Variants in TMEM232 observed in about 807,000 individuals in gnomAD.
TMEM232 encodes transmembrane protein 232.
A neutral mutation model predicts 78.8 loss-of-function variants in TMEM232; 80 were observed. The observed-to-expected ratio is 1.01, with a 90% CI of 0.85 to 1.22. TMEM232 has a LOEUF of 1.22. Ranked by LOEUF, TMEM232 falls within the 50% of genes most tolerant of loss-of-function variation. The pLI, the probability that TMEM232 is intolerant of heterozygous loss-of-function variation, is 0.00. For synonymous variants in TMEM232, 297 were observed against 254.3 expected (o/e 1.17, Z -1.60); for missense variants, 881 against 742.2 (o/e 1.19, Z -2.17).
intron 8 of TMEM232, among the ~76,000 whole-genome samples, chr5:110,615,282 G>A (rs780419937): frequency 6.6e-6 from 1 of 151,870 alleles, no homozygotes; most frequent in Non-Finnish European, 1.5e-5. Flanking sequence ...CATATACAAA[G>A]GCCTTTGGTG....
At position 110,420,456 on chromosome 5, in the gene TMEM232, C is replaced by G; in HGVS notation, c.*124G>C. 1 of 613,972 alleles carries G rather than the reference C, an allele frequency of 1.6e-6. No homozygotes were observed. Among genetic ancestry groups the G allele is most frequent in the Middle Eastern group, 4.6e-4 (1 of 2,196 alleles). 38.0% of individuals were successfully genotyped at this position (613,972 alleles called of 1,614,324 possible). A position where few individuals can be genotyped will look rare whatever the true frequency, so the allele number is the denominator to read the frequency against. ...CTTGTATCAGGAAAACAAATTCTTT[C>G]TAAACAATACCTCCATTTAATGACA... On this transcript the variant is annotated 3_prime_UTR_variant, in exon 14 of 14. Transcript: ENST00000455884.
intron 1 of TMEM232, chr5:110,725,535 C>T (rs148850496): frequency 7.3e-4 from 111 of 152,252 alleles, no homozygotes; most frequent in African/African-American, 2.6e-3. Context: ...TAGCACTACT[C>T]ATTAAGATCA....
chr5:110,523,911 T>C (rs1194915135), intron 12 of TMEM232, among the ~76,000 whole-genome samples: 1 of 131,472 alleles, frequency 7.6e-6, no homozygotes, highest in East Asian at 2.3e-4. Flanking sequence ...CAGTGAGTCA[T>C]GTCTGCCACA....
At chr5:110,633,518 G>C (rs1017046623) in intron 5 of TMEM232, among the ~76,000 whole-genome samples, 2 of 152,044 alleles carry the variant, frequency 1.3e-5, no homozygotes, top group Admixed American at 6.6e-5. Context: ...AGGGAGGGAG[G>C]TGACTGAATC....
chr5:110,727,386 C>T (rs977136097), upstream of TMEM232, among the ~76,000 whole-genome samples: 3 of 152,036 alleles, frequency 2.0e-5, no homozygotes, highest in Middle Eastern at 3.2e-3. Flanking sequence ...CCAAGGTGGG[C>T]GGATCACGAG....
At chr5:110,630,699 C>A (rs2149967554) in intron 5 of TMEM232, among the ~76,000 whole-genome samples, 1 of 152,258 alleles carries the variant, frequency 6.6e-6, no homozygotes, top group Admixed American at 6.5e-5. Context: ...TATTAAACCC[C>A]TTTTCTTCAT....
At chr5:110,675,930 C>G (rs1168044814) in intron 1 of TMEM232, among the ~76,000 whole-genome samples, 3 of 152,118 alleles carry the variant, frequency 2.0e-5, no homozygotes, top group African/African-American at 7.2e-5. Context: ...TTTCTACCTC[C>G]CACTCCTAGC....
rs766148837 is a variant in TMEM232 at position 110,568,526 on chromosome 5, T to A, written c.1376A>T (p.Asn459Ile). 2 of 1,549,604 alleles carry A rather than the reference T, an allele frequency of 1.3e-6. No individual in the cohort carries two copies. Among genetic ancestry groups the A allele is most frequent in the East Asian group, 4.9e-5 (2 of 40,804 alleles). ...TTTCTGCAATGTTTGCCATATCATGTTTCTAAGTCCATCCTGTTCTTCGTC... is the reference window on the plus strand; with the variant it reads ...TTTCTGCAATGTTTGCCATATCATGATTCTAAGTCCATCCTGTTCTTCGTC... ...QGDEEQDGLR[N>I]MIWQTLQKTK... is the part of the protein sequence containing the mutation. Residue 459 changes from asparagine (N) to isoleucine (I), a missense_variant, in exon 11 of 14, where the codon AAC becomes ATC. Coordinates refer to ENST00000455884, the MANE Select transcript of TMEM232 (RefSeq NM_001039763.4).
At chr5:110,730,374 T>C (rs911458657), upstream of TMEM232, among the ~76,000 whole-genome samples, 1 of 152,262 alleles carries the variant, frequency 6.6e-6, no homozygotes, top group Non-Finnish European at 1.5e-5. Context: ...ATTTAACAAC[T>C]TTCTAGATGA....
At chr5:110,607,644 A>C (rs919111249) in intron 8 of TMEM232, among the ~76,000 whole-genome samples, 1 of 151,992 alleles carries the variant, frequency 6.6e-6, no homozygotes, top group African/African-American at 2.4e-5. Flanking sequence ...AGTTTGATTT[A>C]AAATTGACTG....
intron 12 of TMEM232, among the ~76,000 whole-genome samples, chr5:110,425,788 C>A (rs7719149): frequency 0.055 from 8,336 of 152,142 alleles, 463 homozygotes; most frequent in East Asian, 0.21. Flanking sequence ...ATTCCTGCAT[C>A]CATCATTCCT....
At chr5:110,546,956 C>CA (rs201099717) in intron 11 of TMEM232, among the ~76,000 whole-genome samples, 2,592 of 143,048 alleles carry the variant, frequency 0.018, 71 homozygotes, top group African/African-American at 0.06. Flanking sequence ...ACGATACTAC[C>CA]AAAAAAAAAG....
chr5:110,658,586 C>A (rs1789391530), intron 2 of TMEM232, among the ~76,000 whole-genome samples: 1 of 152,216 alleles, frequency 6.6e-6, no homozygotes, highest in South Asian at 2.1e-4. Context: ...TAAATGATTG[C>A]TGTTATACTT....
intron 13 of TMEM232, among the ~76,000 whole-genome samples, chr5:110,423,651 T>C (rs1013489133): frequency 2.6e-5 from 4 of 152,124 alleles, no homozygotes; most frequent in Non-Finnish European, 4.4e-5. Flanking sequence ...ACTTGGATAG[T>C]GCTTACACCC....
chr5:110,721,673 G>GTATATATATATC lies in TMEM232; in HGVS notation c.-13+4942_-13+4953dup, dbSNP rs1554086677. Among the ~76,000 whole-genome samples the GTATATATATATC allele has an allele frequency of 5.6e-5, 2 of 35,442 alleles. 1 individual carries two copies. The highest frequency in any genetic ancestry group is 1.6e-4 in the African/African-American group (2 of 12,858). 23.3% of individuals were successfully genotyped at this position (35,442 alleles called of 152,430 possible). Reference sequence around the variant, plus strand: ...GCATATCATGTGTGTGTGTGTGTGTGTATATATATATCTGTGTGTGTTAGT... The same window carrying GTATATATATATC: ...GCATATCATGTGTGTGTGTGTGTGTGTATATATATATCTATATATATATCTGTGTGTGTTAGT... On this transcript the variant is annotated intron_variant, in intron 1 of 13. Coordinates refer to ENST00000455884, the MANE Select transcript of TMEM232 (RefSeq NM_001039763.4).
chr5:110,676,496 C>T (rs906183746), intron 1 of TMEM232, among the ~76,000 whole-genome samples: 4 of 151,722 alleles, frequency 2.6e-5, no homozygotes, highest in Admixed American at 2.6e-4. Flanking sequence ...ACTTCCGCCT[C>T]CTGGGCTTAA....
intron 1 of TMEM232, among the ~76,000 whole-genome samples, chr5:110,686,878 C>T (rs1298342475): frequency 6.6e-6 from 1 of 152,128 alleles, no homozygotes; most frequent in Non-Finnish European, 1.5e-5. Context: ...CTAAATCTTC[C>T]TTTCACGGTC....
chr5:110,706,318 T>C (rs1445924593), intron 1 of TMEM232, among the ~76,000 whole-genome samples: 1 of 152,208 alleles, frequency 6.6e-6, no homozygotes, highest in Non-Finnish European at 1.5e-5. Context: ...ATGTTCCAAC[T>C]ATCAAAATGT....
intron 1 of TMEM232, among the ~76,000 whole-genome samples, chr5:110,688,308 C>T (rs941263624): frequency 2.0e-5 from 3 of 152,052 alleles, no homozygotes; most frequent in Admixed American, 6.6e-5. Context: ...GCTGAAGCTG[C>T]CTTATATTAT....
Sources: allele counts gnomAD v4.1 joint callset (sites outside exome capture counted in the v4.1 genomes callset), GRCh38; gene constraint gnomAD v4.1.1; transcripts MANE v1.5; gene names NCBI Gene and HGNC (gene_info 2026-07-23, HGNC 2026-07-21).